The following UQCRH variants were observed in gnomAD, a reference collection of about 807,000 sequenced individuals.
The protein encoded by UQCRH is ubiquinol-cytochrome c reductase hinge protein, also known as cytochrome b-c1 complex subunit 6, mitochondrial.
UQCRH carries 14 observed loss-of-function variants against 16.3 expected under a neutral mutation model. That is an observed-to-expected ratio of 0.86 (90% confidence interval 0.57 to 1.34). The LOEUF (loss-of-function observed/expected upper bound fraction) is 1.34. Ranked by LOEUF, UQCRH falls within the 40% of genes most tolerant of loss-of-function variation. The pLI is 0.00. For synonymous variants in UQCRH, 41 were observed against 41.9 expected, an observed-to-expected ratio of 0.98 and a Z score of 0.08; for missense variants, 89 against 111.9, an observed-to-expected ratio of 0.80 and a Z score of 0.92.
chr1:46,303,880 C>G, intron 1 of UQCRH, 60 bp downstream of exon 1: 2 of 1,610,820 alleles, frequency 1.2e-6, no homozygotes, highest in Non-Finnish European at 1.7e-6. Context: ...ACCTAGCCCG[C>G]CAAAACACGC....
intron 3 of UQCRH, among the ~76,000 whole-genome samples, chr1:46,311,587 G>A (rs966461510): frequency 7.9e-5 from 12 of 151,284 alleles, no homozygotes; most frequent in African/African-American, 2.9e-4. Context: ...ATAGTAGTTG[G>A]TCCAAAAGGT....
At chr1:46,306,946 T>G (rs932445679) in intron 1 of UQCRH, among the ~76,000 whole-genome samples, 2 of 152,264 alleles carry the variant, frequency 1.3e-5, no homozygotes, top group Non-Finnish European at 1.5e-5. Flanking sequence ...GGTGCAGTGG[T>G]ACAGTCATAG....
At chr1:46,311,144 CATT>C (rs1163685979) in intron 3 of UQCRH, among the ~76,000 whole-genome samples, 3 of 151,944 alleles carry the variant, frequency 2.0e-5, no homozygotes, top group East Asian at 1.9e-4. Context: ...AGATAGGTAT[CATT>C]ATCCCATTTC....
chr1:46,315,304 C>T (rs997550368), intron 3 of UQCRH, among the ~76,000 whole-genome samples: 3 of 152,176 alleles, frequency 2.0e-5, no homozygotes, highest in Non-Finnish European at 2.9e-5. Context: ...ATTAGCCGGG[C>T]GTGGTGGCAC....
In UQCRH at chr1:46,303,788, A is replaced by C. The variant is rs1330040895; in HGVS notation, c.22A>C (p.Lys8Gln). The change falls in exon 1 of 4, where the codon AAG (lysine) becomes CAG (glutamine). Residue 8 changes from lysine (K) to glutamine (Q), a missense_variant. Physicochemically the swap from Lys to Gln is moderately conservative, Grantham distance 53. Coordinates refer to ENST00000311672, the MANE Select transcript of UQCRH (RefSeq NM_006004.4). Reference sequence around the variant, plus strand: ...AGACATGGGACTGGAGGACGAGCAAAAGATGCTTACCGAATCCGGAGATCC... The same window carrying C: ...AGACATGGGACTGGAGGACGAGCAACAGATGCTTACCGAATCCGGAGATCC... Reference protein sequence around the residue: MGLEDEQKMLTESGDPEE... With the variant: MGLEDEQQMLTESGDPEE... The C allele has an allele frequency of 1.2e-6, 2 of 1,614,022 alleles. No individual in the cohort carries two copies. The highest frequency in any genetic ancestry group is 2.7e-5 in the African/African-American group (2 of 74,918).
At chr1:46,304,575 G>A (rs1661326994) in intron 1 of UQCRH, among the ~76,000 whole-genome samples, 1 of 151,792 alleles carries the variant, frequency 6.6e-6, no homozygotes, top group Admixed American at 6.6e-5. Flanking sequence ...TAGTAGCGAC[G>A]GGGGTTTCAC....
intron 3 of UQCRH, among the ~76,000 whole-genome samples, chr1:46,315,612 G>C (rs1344782420): frequency 8.2e-6 from 1 of 122,430 alleles, no homozygotes; most frequent in Non-Finnish European, 1.8e-5. Context: ...AAAAAAAAAA[G>C]ATTAAAATAG....
chr1:46,309,092 C>G lies in UQCRH; in HGVS notation c.55-9C>G. 1 of 1,612,902 alleles carries G rather than the reference C, an allele frequency of 6.2e-7. No homozygotes were observed. Among genetic ancestry groups the G allele is most frequent in the Non-Finnish European group, 8.5e-7 (1 of 1,179,568 alleles). On this transcript the variant is annotated splice_polypyrimidine_tract_variant and intron_variant, in intron 1 of 3. Coordinates refer to ENST00000311672, the MANE Select transcript of UQCRH (RefSeq NM_006004.4). ...TGCTGCTGACATTAATTTTGTTTTC[C>G]TTTTGTAGGAGGAAGAGGAAGAGGA...
intron 3 of UQCRH, among the ~76,000 whole-genome samples, chr1:46,314,756 G>A (rs1024597604): frequency 6.6e-6 from 1 of 152,090 alleles, no homozygotes; most frequent in Non-Finnish European, 1.5e-5. Context: ...AAGTGTCAAG[G>A]AAGACAAACA....
intron 1 of UQCRH, among the ~76,000 whole-genome samples, chr1:46,304,574 C>T (rs1298479910): frequency 1.3e-5 from 2 of 151,810 alleles, no homozygotes; most frequent in Admixed American, 1.3e-4. Context: ...TTAGTAGCGA[C>T]GGGGGTTTCA....
chr1:46,305,808 A>C (rs1426962900), intron 1 of UQCRH, among the ~76,000 whole-genome samples: 1 of 149,796 alleles, frequency 6.7e-6, no homozygotes, highest in Non-Finnish European at 1.5e-5. Flanking sequence ...TGAGGAACCC[A>C]TAATTTTTTT....
intron 3 of UQCRH, among the ~76,000 whole-genome samples, chr1:46,311,092 A>T (rs1041782838): frequency 2.0e-5 from 3 of 151,226 alleles, no homozygotes; most frequent in Admixed American, 1.3e-4. Flanking sequence ...AAAAAAAATA[A>T]TAATAATAAT....
intron 3 of UQCRH, among the ~76,000 whole-genome samples, chr1:46,315,174 G>A (rs1030435077): frequency 2.6e-5 from 4 of 152,120 alleles, no homozygotes; most frequent in Admixed American, 6.5e-5. Context: ...GCCAGGTGCG[G>A]TGGCTCACGC....
Position 46,312,803 on chromosome 1 carries a change from A to T in UQCRH, c.243+2487A>T, listed in dbSNP as rs550870398. On this transcript the variant is annotated intron_variant, in intron 3 of 3. Transcript: ENST00000311672. The stretch of plus-strand genomic sequence containing the variant: ...ATAAATTATACATAAGCAAAGTTTG[A>T]TGTGGTTGCTTCTATTAAAACTAAT... 5.9e-5 allele frequency among the ~76,000 whole-genome samples: 9 copies of T among 152,222 alleles called. No homozygotes were observed. In the South Asian group the frequency reaches 1.9e-3, roughly 32 times the overall value.
rs140722553 is a variant in UQCRH at position 46,313,642 on chromosome 1, CAGATAGATAGATAGAT to C, written c.244-2880_244-2865del. On this transcript the variant is annotated intron_variant, in intron 3 of 3. Transcript: ENST00000311672. Reference sequence around the variant, plus strand: ...AGACTTCATCTCAAAAAAATATAGACAGATAGATAGATAGATAGATAGATAGATAGATAGATAGATA... The same window carrying C: ...AGACTTCATCTCAAAAAAATATAGACAGATAGATAGATAGATAGATAGATA... Among the ~76,000 whole-genome samples the C allele has an allele frequency of 2.3e-3, 332 of 145,880 alleles. 3 individuals are homozygous for C. The highest frequency in any genetic ancestry group is 7.4e-3 in the African/African-American group (290 of 38,986).
intron 2 of UQCRH, 43 bp downstream of exon 2, chr1:46,309,170 G>A: frequency 6.3e-7 from 1 of 1,593,344 alleles, no homozygotes; most frequent in Non-Finnish European, 8.5e-7. Context: ...GTAAAAGCAG[G>A]GTTTGAGCTT....
intron 1 of UQCRH, among the ~76,000 whole-genome samples, chr1:46,304,391 T>G (rs1263297056): frequency 6.8e-6 from 1 of 146,600 alleles, no homozygotes; most frequent in Non-Finnish European, 1.5e-5. Flanking sequence ...TAATTAATTT[T>G]TTTTTTTTTT....
At chr1:46,313,904 G>T in intron 3 of UQCRH, among the ~76,000 whole-genome samples, 1 of 151,850 alleles carries the variant, frequency 6.6e-6, no homozygotes, top group Non-Finnish European at 1.5e-5. Context: ...ATATGATCTA[G>T]CAATTTCACT....
intron 3 of UQCRH, among the ~76,000 whole-genome samples, chr1:46,311,088 A>T (rs569420002): frequency 1.5e-4 from 20 of 135,382 alleles, no homozygotes; most frequent in East Asian, 1.0e-3. Context: ...AAAAAAAAAA[A>T]ATAATAATAA....
Sources: gnomAD v4.1 joint callset for allele counts (sites outside exome capture counted in the v4.1 genomes callset) on GRCh38, gnomAD v4.1.1 for gene constraint, MANE v1.5 for transcripts, NCBI Gene and HGNC (gene_info 2026-07-23, HGNC 2026-07-21) for gene names.